Variants in RUNX1T1 observed in about 807,000 individuals in gnomAD.
RUNX1T1 encodes RUNX1 partner transcriptional co-repressor 1, also known as protein CBFA2T1.
A neutral mutation model predicts 62.8 loss-of-function variants in RUNX1T1; 4 were observed. The ratio of observed to expected loss-of-function variants is 0.06; its 90% CI spans 0.03 to 0.15. The LOEUF is 0.15. Ranked by LOEUF, RUNX1T1 falls within the 10% of genes least tolerant of loss-of-function variation. RUNX1T1 has a pLI of 1.00. For synonymous variants in RUNX1T1, 291 were observed against 286.0 expected, an observed-to-expected ratio of 1.02 and a Z score of -0.18; for missense variants, 508 against 754.3, an observed-to-expected ratio of 0.67 and a Z score of 3.82.
exon 11 of RUNX1T1, chr8:91,959,053 G>A (rs1197009533): frequency 1.4e-5 from 3 of 210,408 alleles, no homozygotes; most frequent in South Asian, 1.9e-4. Context: ...GGAATAAAGA[G>A]ACTAAATGTG....
In RUNX1T1 at chr8:91,970,043, T is replaced by TGTGTGTGTGTGTGTTGTGTGTG. The variant is rs11374252; in HGVS notation, c.1458+614_1458+615insCACACACAACACACACACACAC. On this transcript the variant is annotated intron_variant, in intron 10 of 10. Coordinates refer to ENST00000396218, the Ensembl canonical transcript of RUNX1T1. ...CTGTGTGTGTGTGTGTGTGTGTGTG[T>TGTGTGTGTGTGTGTTGTGTGTG]TGTGTGTGTGTGTGTGAGAATTATT... Among the ~76,000 whole-genome samples, 447 of 142,792 alleles carry TGTGTGTGTGTGTGTTGTGTGTG rather than the reference T, an allele frequency of 3.1e-3. 1 individual carries two copies. Among genetic ancestry groups the TGTGTGTGTGTGTGTTGTGTGTG allele is most frequent in the African/African-American group, 0.011 (424 of 37,792 alleles). The allele number at this position is 142,792 out of a possible 152,430, so 93.7% of individuals were successfully genotyped here. A position where few individuals can be genotyped will look rare whatever the true frequency, so the allele number is the denominator to read the frequency against.
exon 11 of RUNX1T1, chr8:91,959,412 T>TTGTGTGTGTG (rs56037232): frequency 1.0e-3 from 144 of 139,446 alleles, no homozygotes; most frequent in Non-Finnish European, 1.5e-3. Context: ...AGTCTCTTAC[T>TTGTGTGTGTG]TGTGTGTGTG....
chr8:91,970,419 A>T (rs1812580745), intron 10 of RUNX1T1, among the ~76,000 whole-genome samples: 2 of 152,184 alleles, frequency 1.3e-5, no homozygotes, highest in Admixed American at 1.3e-4. Flanking sequence ...AGTTATAAGA[A>T]TTTCACTTTG....
At chr8:92,052,182 A>G (rs1407628127) in intron 1 of RUNX1T1, among the ~76,000 whole-genome samples, 1 of 152,246 alleles carries the variant, frequency 6.6e-6, no homozygotes, top group Non-Finnish European at 1.5e-5. Context: ...TTGAATGCTT[A>G]TTTATGTTGA....
chr8:92,026,377 A>T (rs1178433056), intron 1 of RUNX1T1, among the ~76,000 whole-genome samples: 3 of 152,216 alleles, frequency 2.0e-5, no homozygotes, highest in Non-Finnish European at 4.4e-5. Context: ...GGGATTGAAA[A>T]ATTTGCCCAA....
intron 1 of RUNX1T1, among the ~76,000 whole-genome samples, chr8:92,096,343 C>T (rs560956137): frequency 6.6e-6 from 1 of 152,302 alleles, no homozygotes; most frequent in Admixed American, 6.5e-5. Context: ...TGAGCTGCCT[C>T]ATGGCTCTTC....
At chr8:92,069,554 A>C (rs1833379865) in intron 2 of RUNX1T1, among the ~76,000 whole-genome samples, 1 of 152,208 alleles carries the variant, frequency 6.6e-6, no homozygotes, top group South Asian at 2.1e-4. Flanking sequence ...TAAACAATTC[A>C]AAGTTACTCA....
intron 1 of RUNX1T1, among the ~76,000 whole-genome samples, chr8:92,035,112 T>C (rs553679284): frequency 6.6e-6 from 1 of 151,758 alleles, no homozygotes; most frequent in Non-Finnish European, 1.5e-5. Context: ...CTGGCCAACG[T>C]GGTGAAACGC....
chr8:92,055,000 G>A (rs561589852), intron 1 of RUNX1T1, among the ~76,000 whole-genome samples: 9 of 152,002 alleles, frequency 5.9e-5, no homozygotes, highest in Non-Finnish European at 1.0e-4. Context: ...GTGAGACTCC[G>A]TCTCAAAATA....
chr8:92,064,658 C>A (rs1377179280), upstream of RUNX1T1, among the ~76,000 whole-genome samples: 1 of 151,968 alleles, frequency 6.6e-6, no homozygotes, highest in Non-Finnish European at 1.5e-5. Context: ...AGAAAGAAAA[C>A]ATTTTCACAG....
At chr8:91,990,645 CT>C (rs34688927) in intron 6 of RUNX1T1, among the ~76,000 whole-genome samples, 149 of 145,484 alleles carry the variant, frequency 1.0e-3, no homozygotes, top group South Asian at 2.9e-3. Context: ...TGCTTTACTA[CT>C]TTTTTTTTTT....
intron 4 of RUNX1T1, among the ~76,000 whole-genome samples, chr8:92,007,567 T>C (rs1821026499): frequency 1.3e-5 from 2 of 152,060 alleles, no homozygotes; most frequent in South Asian, 4.2e-4. Flanking sequence ...CACGCAAACA[T>C]CAAAAGCGGG....
chr8:92,095,722 G>T, intron 1 of RUNX1T1: 2 of 618,604 alleles, frequency 3.2e-6, no homozygotes, highest in Non-Finnish European at 2.5e-6. Context: ...CCCAGGATGG[G>T]GCCAGAAAGT....
intron 1 of RUNX1T1, among the ~76,000 whole-genome samples, chr8:92,025,552 GA>G (rs1018058192): frequency 2.6e-5 from 4 of 152,164 alleles, no homozygotes; most frequent in Admixed American, 2.6e-4. Context: ...ACTTCAGCCA[GA>G]AACCTTTTGC....
chr8:92,054,949 G>T (rs576872527), intron 1 of RUNX1T1, among the ~76,000 whole-genome samples: 1 of 152,224 alleles, frequency 6.6e-6, no homozygotes, highest in African/African-American at 2.4e-5. Context: ...AGGTTGCAGT[G>T]AGCCAAGATT....
intron 5 of RUNX1T1, chr8:91,994,750 A>C (rs555087305): frequency 1.3e-4 from 43 of 336,788 alleles, no homozygotes; most frequent in Admixed American, 1.2e-4. Flanking sequence ...GTGCCAGAGG[A>C]ACCCACTTCT....
rs200659663 is a variant in RUNX1T1, at chr8:91,970,703, C to T, written c.1413G>A (p.Ala471=). The T allele has an allele frequency of 2.2e-5, 35 of 1,613,116 alleles. No homozygotes were observed. In the Admixed American group the frequency reaches 3.8e-4, roughly 18 times the overall value. The stretch of plus-strand genomic sequence containing the variant: ...GATTGATAACTGCCAGTGCGTCCTC[C>T]GCCGCCTGCCGTTTGGCCTCGGCGA... Residue 471 remains alanine, a synonymous_variant, in exon 10 of 11, where the codon GCG becomes GCA. Coordinates refer to ENST00000396218, the Ensembl canonical transcript of RUNX1T1.
intron 4 of RUNX1T1, among the ~76,000 whole-genome samples, chr8:92,008,676 G>T (rs988999343): frequency 9.2e-5 from 14 of 152,060 alleles, no homozygotes; most frequent in Admixed American, 4.6e-4. Flanking sequence ...GCATTCGCTG[G>T]CTCCCATCCA....
intron 10 of RUNX1T1, among the ~76,000 whole-genome samples, chr8:91,963,330 A>G (rs1017429240): frequency 3.9e-5 from 6 of 152,148 alleles, no homozygotes; most frequent in Non-Finnish European, 8.8e-5. Context: ...AAAAAGAGCA[A>G]TTTTAATGAT....
Sources: allele counts gnomAD v4.1 joint callset (sites outside exome capture counted in the v4.1 genomes callset), GRCh38; gene constraint gnomAD v4.1.1; transcripts MANE v1.5; gene names NCBI Gene and HGNC (gene_info 2026-07-23, HGNC 2026-07-21).